Variants in EYS observed in about 807,000 individuals in gnomAD.
EYS encodes protein eyes shut homolog.
A neutral mutation model predicts 282.1 loss-of-function variants in EYS; 250 were observed. The observed-to-expected ratio is 0.89, with a 90% CI of 0.80 to 0.98. The LOEUF (loss-of-function observed/expected upper bound fraction) is 0.98. Among genes scored for constraint, EYS ranks in the 50% least tolerant of loss-of-function variants. EYS has a pLI of 0.00. For missense variants in EYS, 4,016 were observed against 3,709.0 expected (o/e 1.08, Z -2.15); for synonymous variants, 1,355 against 1,282.9 (o/e 1.06, Z -1.20).
At chr6:65,109,761 T>G in intron 12 of EYS, among the ~76,000 whole-genome samples, 1 of 152,102 alleles carries the variant, frequency 6.6e-6, no homozygotes, top group East Asian at 1.9e-4. Context: ...TGACAGTAAT[T>G]TACTCTGCCT....
In EYS at chr6:65,020,360, A is replaced by G. The variant is rs141270646; in HGVS notation, c.2138-22657T>C. ...GGACCCATTTCAAAAGGGAGAAATT[A>G]ACCAAAACATAGAGGCCACAGGCCC... On this transcript the variant is annotated intron_variant, in intron 13 of 42. Transcript: ENST00000503581. Among the ~76,000 whole-genome samples the G allele has an allele frequency of 4.6e-5, 7 of 152,290 alleles. No homozygotes were observed. In the East Asian group the frequency reaches 9.7e-4, roughly 21 times the overall value.
chr6:65,584,500 G>C (rs561357541), intron 2 of EYS, among the ~76,000 whole-genome samples: 1 of 152,150 alleles, frequency 6.6e-6, no homozygotes, highest in East Asian at 1.9e-4. Context: ...GTAAGGGGCT[G>C]AGATGCCTTT....
At chr6:64,363,764 C>G (rs888818222) in intron 29 of EYS, among the ~76,000 whole-genome samples, 1 of 151,884 alleles carries the variant, frequency 6.6e-6, no homozygotes. Context: ...ACTTATTAAA[C>G]AATCTTTCTC....
At chr6:64,940,867 A>C (rs960018466) in intron 15 of EYS, among the ~76,000 whole-genome samples, 12 of 152,132 alleles carry the variant, frequency 7.9e-5, no homozygotes, top group African/African-American at 2.9e-4. Context: ...GAGATAATCC[A>C]GAATTCTCAA....
intron 12 of EYS, among the ~76,000 whole-genome samples, chr6:65,182,507 A>C (rs1327362135): frequency 6.6e-6 from 1 of 151,714 alleles, no homozygotes; most frequent in Non-Finnish European, 1.5e-5. Flanking sequence ...TAGTATTTCC[A>C]CGTCACTGCA....
intron 11 of EYS, 79 bp from the exon 12 acceptor site, chr6:65,296,198 A>C: frequency 7.8e-7 from 1 of 1,278,030 alleles, no homozygotes; most frequent in Admixed American, 3.1e-5. Context: ...TCACACATTT[A>C]TTTAAAAACA....
intron 36 of EYS, among the ~76,000 whole-genome samples, chr6:63,825,102 G>T (rs529058829): frequency 7.2e-5 from 11 of 152,256 alleles, no homozygotes; most frequent in Admixed American, 7.2e-4. Flanking sequence ...GTTTGCATGG[G>T]AGCTGGGTGA....
intron 22 of EYS, among the ~76,000 whole-genome samples, chr6:64,711,279 T>C (rs901342775): frequency 1.3e-5 from 2 of 152,158 alleles, no homozygotes; most frequent in African/African-American, 4.8e-5. Context: ...TTTTAGAAAA[T>C]AGAAAATATA....
At position 63,863,663 on chromosome 6, in the gene EYS, C is replaced by CTTTTTTTTTT. The variant is rs1436358110; in HGVS notation, c.7228+522_7228+523insAAAAAAAAAA. 3.6e-5 allele frequency among the ~76,000 whole-genome samples: 2 copies of CTTTTTTTTTT among 55,792 alleles called. 1 individual carries two copies. Among genetic ancestry groups the CTTTTTTTTTT allele is most frequent in the Non-Finnish European group, 7.6e-5 (2 of 26,222 alleles). 36.6% of individuals were successfully genotyped at this position (55,792 alleles called of 152,430 possible). The stretch of plus-strand genomic sequence containing the variant: ...TTTTTCTTTTCTTTTCTTTTCTTTT[C>CTTTTTTTTTT]TTTTCTTTTTTCTTTTTTTTTTTTT... On this transcript the variant is annotated intron_variant, in intron 36 of 42. Transcript: ENST00000503581.
At chr6:65,330,684 T>C in intron 11 of EYS, 2 of 938,634 alleles carry the variant, frequency 2.1e-6, no homozygotes, top group Non-Finnish European at 2.5e-6. Context: ...ACATTATTAG[T>C]GTCTATCATT....
At chr6:63,908,011 C>G (rs202153009) in intron 35 of EYS, among the ~76,000 whole-genome samples, 1 of 21,790 alleles carries the variant, frequency 4.6e-5, no homozygotes, top group South Asian at 2.2e-3. Context: ...CACACACAAA[C>G]GTATATATAT....
chr6:64,700,713 C>G (rs1770755072), intron 22 of EYS, among the ~76,000 whole-genome samples: 1 of 151,792 alleles, frequency 6.6e-6, no homozygotes, highest in Admixed American at 6.6e-5. Context: ...ACTGATGAAA[C>G]AAATCATAGA....
chr6:64,098,609 T>G (rs1351775121), intron 31 of EYS, among the ~76,000 whole-genome samples: 1 of 151,008 alleles, frequency 6.6e-6, no homozygotes, highest in East Asian at 1.9e-4. Flanking sequence ...CTTTCTTTTT[T>G]TTTTTTTTTG....
At chr6:64,273,439 T>C (rs1768008038) in intron 30 of EYS, among the ~76,000 whole-genome samples, 1 of 152,154 alleles carries the variant, frequency 6.6e-6, no homozygotes, top group Admixed American at 6.5e-5. Context: ...TTCCCCACCT[T>C]TTTTTCTAAA....
intron 1 of EYS, among the ~76,000 whole-genome samples, chr6:65,648,001 G>GA (rs1164069352): frequency 1.6e-5 from 2 of 126,914 alleles, no homozygotes; most frequent in African/African-American, 5.9e-5. Flanking sequence ...ACTGCTGCAA[G>GA]AATGGCCAAA....
chr6:63,834,498 A>G (rs943655914), intron 36 of EYS, among the ~76,000 whole-genome samples: 2 of 152,134 alleles, frequency 1.3e-5, no homozygotes, highest in Non-Finnish European at 2.9e-5. Flanking sequence ...CAAAACCACA[A>G]TGAGATACCA....
chr6:65,402,439 T>C (rs767344368), intron 7 of EYS, 39 bp downstream of exon 7: 9 of 1,338,270 alleles, frequency 6.7e-6, no homozygotes, highest in Non-Finnish European at 7.5e-6. Flanking sequence ...TAAAAATCCA[T>C]GTACTTTGTA....
At chr6:64,909,712 T>A (rs1178157969) in intron 16 of EYS, among the ~76,000 whole-genome samples, 1 of 151,992 alleles carries the variant, frequency 6.6e-6, no homozygotes, top group Non-Finnish European at 1.5e-5. Flanking sequence ...ACTATACCGA[T>A]AATTTTTTAA....
intron 41 of EYS, among the ~76,000 whole-genome samples, chr6:63,736,928 C>T (rs547935871): frequency 2.6e-5 from 4 of 152,130 alleles, no homozygotes; most frequent in Middle Eastern, 3.2e-3. Flanking sequence ...GATTTTTATA[C>T]GTTGATTTTG....
Sources: gnomAD v4.1 joint callset for allele counts (sites outside exome capture counted in the v4.1 genomes callset) on GRCh38, gnomAD v4.1.1 for gene constraint, MANE v1.5 for transcripts, NCBI Gene and HGNC (gene_info 2026-07-23, HGNC 2026-07-21) for gene names.